NFIA: variants seen among roughly 807,000 people sequenced by gnomAD.
NFIA encodes nuclear factor I A.
In NFIA, 8 loss-of-function variants were observed where a neutral mutation model predicts 62.8. The ratio of observed to expected loss-of-function variants is 0.13; its 90% CI spans 0.07 to 0.23. NFIA has a LOEUF of 0.23. Among genes scored for constraint, NFIA ranks in the 10% least tolerant of loss-of-function variants. The probability of loss-of-function intolerance (pLI) is 1.00; values close to 1 mark genes in which losing one functional copy is unlikely to be tolerated. For missense variants in NFIA, 410 were observed against 642.1 expected (o/e 0.64, Z 3.91); for synonymous variants, 235 against 238.1 (o/e 0.99, Z 0.12).
chr1:61,255,658 C>T (rs1373813160), intron 2 of NFIA, among the ~76,000 whole-genome samples: 1 of 151,990 alleles, frequency 6.6e-6, no homozygotes, highest in African/African-American at 2.4e-5. Context: ...TTATTGTGTT[C>T]CATAGTGGAA....
intron 2 of NFIA, among the ~76,000 whole-genome samples, chr1:61,269,216 T>C (rs1366124675): frequency 1.3e-5 from 2 of 148,160 alleles, no homozygotes; most frequent in Non-Finnish European, 3.0e-5. Context: ...ACGTATAGAA[T>C]TTAAAAAAAA....
intron 3 of NFIA, among the ~76,000 whole-genome samples, chr1:61,332,041 G>T (rs1468567621): frequency 6.6e-6 from 1 of 152,166 alleles, no homozygotes; most frequent in East Asian, 1.9e-4. Flanking sequence ...TCACCCTGTG[G>T]TGCCTCTAGA....
chr1:61,113,856 TG>T (rs1046360973), intron 2 of NFIA, among the ~76,000 whole-genome samples: 58 of 152,158 alleles, frequency 3.8e-4, no homozygotes, highest in African/African-American at 1.3e-3. Flanking sequence ...TTGGTTAGAA[TG>T]GGGGGTTTAC....
chr1:61,387,107 A>G lies in NFIA; in HGVS notation c.1075+3742A>G, dbSNP rs1342498994. 2.0e-5 allele frequency among the ~76,000 whole-genome samples: 3 copies of G among 152,096 alleles called. No individual in the cohort carries two copies. In the East Asian group the frequency reaches 5.8e-4, roughly 29 times the overall value. On this transcript the variant is annotated intron_variant, in intron 7 of 10. Coordinates refer to ENST00000403491, the MANE Select transcript of NFIA (RefSeq NM_001134673.4). The stretch of plus-strand genomic sequence containing the variant: ...TGGGGGTTAGGATTTCAAGATATGG[A>G]TCCTAGAGGGCCACAGACATTCAGC...
chr1:61,192,651 C>T (rs1171974737), intron 2 of NFIA, among the ~76,000 whole-genome samples: 4 of 151,052 alleles, frequency 2.6e-5, no homozygotes, highest in Non-Finnish European at 5.9e-5. Context: ...TGCAGTGAGC[C>T]GAGATCGTGC....
intron 2 of NFIA, among the ~76,000 whole-genome samples, chr1:61,095,374 CT>C (rs1646392787): frequency 6.6e-6 from 1 of 152,222 alleles, no homozygotes; most frequent in South Asian, 2.1e-4. Flanking sequence ...AGGATAGACT[CT>C]TCAGAGTGGC....
intron 9 of NFIA, among the ~76,000 whole-genome samples, chr1:61,419,570 AC>A (rs1019529209): frequency 7.2e-5 from 11 of 152,210 alleles, no homozygotes; most frequent in African/African-American, 2.4e-4. Flanking sequence ...CTCTGTGTGC[AC>A]ATTATAACAT....
At chr1:61,274,616 G>A (rs966276122) in intron 2 of NFIA, among the ~76,000 whole-genome samples, 3 of 152,188 alleles carry the variant, frequency 2.0e-5, no homozygotes, top group Non-Finnish European at 2.9e-5. Context: ...TCAACCACGT[G>A]ATATTTGTCC....
chr1:61,222,987 T>C (rs555136830), intron 2 of NFIA, among the ~76,000 whole-genome samples: 26 of 152,190 alleles, frequency 1.7e-4, no homozygotes, highest in South Asian at 4.1e-4. Context: ...AAAATAACTT[T>C]TTTTTGTTTC....
rs773626430 is a variant in NFIA, at chr1:61,406,630, G to A, written c.1323G>A (p.Pro441=). The change falls in exon 9 of 11, where the codon CCG becomes CCA. Residue 441 remains proline, a synonymous_variant. Transcript: ENST00000403491. The part of the protein sequence containing the change: ...FLPTPMLPPP[P]PPPMARPVPL... ...CCACCCCAATGTTGCCACCGCCACC[G>A]CCACCACCGATGGCCAGGCCTGTGC... The A allele has an allele frequency of 6.0e-5, 81 of 1,342,816 alleles. No individual in the cohort carries two copies. Among genetic ancestry groups the A allele is most frequent in the South Asian group, 5.0e-4 (43 of 86,566 alleles). The allele number at this position is 1,342,816 out of a possible 1,614,324, so 83.2% of individuals were successfully genotyped here. A position where few individuals can be genotyped will look rare whatever the true frequency, so the allele number is the denominator to read the frequency against.
chr1:61,427,924 G>C (rs1309634881), intron 10 of NFIA, among the ~76,000 whole-genome samples: 1 of 152,158 alleles, frequency 6.6e-6, no homozygotes, highest in Non-Finnish European at 1.5e-5. Flanking sequence ...TGGTGAATTT[G>C]AAGTTGCATA....
At chr1:61,211,585 A>C (rs1223976140) in intron 2 of NFIA, among the ~76,000 whole-genome samples, 1 of 152,236 alleles carries the variant, frequency 6.6e-6, no homozygotes, top group Non-Finnish European at 1.5e-5. Context: ...ATAACTTCTC[A>C]TAGATGTCTA....
chr1:61,304,002 C>T (rs536965031), intron 3 of NFIA, among the ~76,000 whole-genome samples: 15 of 151,310 alleles, frequency 9.9e-5, no homozygotes, highest in South Asian at 2.1e-4. Flanking sequence ...TGGCCGGGCG[C>T]GGTGGCTCAC....
chr1:61,332,421 T>G (rs1163715209), intron 3 of NFIA, 91 bp from the exon 4 acceptor site: 32 of 1,197,846 alleles, frequency 2.7e-5, no homozygotes, highest in Non-Finnish European at 3.8e-5. Flanking sequence ...GCACCACATG[T>G]GTTAATCATA....
intron 2 of NFIA, among the ~76,000 whole-genome samples, chr1:61,269,218 TA>T (rs879632480): frequency 3.9e-3 from 533 of 137,866 alleles, no homozygotes; most frequent in Middle Eastern, 3.7e-3. Flanking sequence ...GTATAGAATT[TA>T]AAAAAAAAAA....
At chr1:61,443,231 G>A (rs533368803) in intron 10 of NFIA, among the ~76,000 whole-genome samples, 72 of 152,288 alleles carry the variant, frequency 4.7e-4, no homozygotes, top group Admixed American at 2.4e-3. Flanking sequence ...GCCAGACAGA[G>A]AGGAATCCCC....
At chr1:61,368,663 G>C (rs549357705) in intron 6 of NFIA, among the ~76,000 whole-genome samples, 1 of 152,154 alleles carries the variant, frequency 6.6e-6, no homozygotes, top group South Asian at 2.1e-4. Context: ...TAAAAGTATC[G>C]TGCAGGGCAC....
intron 3 of NFIA, among the ~76,000 whole-genome samples, chr1:61,301,594 T>C (rs1268552696): frequency 1.3e-5 from 2 of 152,214 alleles, no homozygotes; most frequent in Non-Finnish European, 2.9e-5. Context: ...CATTTACCCT[T>C]GTGGTTATTT....
At chr1:61,366,403 T>A (rs1241481940) in intron 6 of NFIA, among the ~76,000 whole-genome samples, 2 of 152,218 alleles carry the variant, frequency 1.3e-5, no homozygotes, top group Non-Finnish European at 2.9e-5. Context: ...AATTTTCTCC[T>A]GTAGAAAAAC....
Sources: allele counts gnomAD v4.1 joint callset (sites outside exome capture counted in the v4.1 genomes callset), GRCh38; gene constraint gnomAD v4.1.1; transcripts MANE v1.5; gene names NCBI Gene and HGNC (gene_info 2026-07-23, HGNC 2026-07-21).